Variants in ITGAE observed in about 807,000 individuals in gnomAD.
The protein encoded by ITGAE is integrin subunit alpha E.
A neutral mutation model predicts 136.5 loss-of-function variants in ITGAE; 99 were observed. That is an observed-to-expected ratio of 0.73 (90% CI 0.62 to 0.86). The LOEUF (loss-of-function observed/expected upper bound fraction) is 0.86. ITGAE is among the 40% of genes least tolerant of loss of function. The probability of loss-of-function intolerance (pLI) is 0.00; values close to 1 mark genes in which losing one functional copy is unlikely to be tolerated. For missense variants in ITGAE, 1,447 were observed against 1,515.3 expected (o/e 0.95, Z 0.75); for synonymous variants, 613 against 591.8 (o/e 1.04, Z -0.52).
At chr17:3,744,868 A>G (rs1479483516) in intron 18 of ITGAE, among the ~76,000 whole-genome samples, 3 of 152,172 alleles carry the variant, frequency 2.0e-5, no homozygotes, top group African/African-American at 4.8e-5. Context: ...TTCTGCCCCT[A>G]TAAGAGCCTC....
intron 2 of ITGAE, among the ~76,000 whole-genome samples, chr17:3,771,530 T>C (rs954483167): frequency 5.1e-4 from 74 of 143,698 alleles, no homozygotes; most frequent in African/African-American, 1.9e-3. Flanking sequence ...GTGTGCATTT[T>C]TCTCTTTTTT....
rs544709400 is a variant in ITGAE at position 3,727,930 on chromosome 17, T to C, written c.3073A>G (p.Thr1025Ala). The C allele has an allele frequency of 2.0e-5, 32 of 1,610,948 alleles. No homozygotes were observed. The South Asian group carries it at 3.4e-4, about 17-fold the overall frequency. Residue 1025 changes from threonine (T) to alanine (A), a missense_variant, in exon 26 of 31, where the codon ACG (threonine) becomes GCG (alanine). By Grantham distance (58) the Thr-to-Ala change is moderately conservative. Coordinates refer to ENST00000263087, the MANE Select transcript of ITGAE (RefSeq NM_002208.5). ...GLQVVAVKKLTRTQASTVCTW... is the reference protein window; with the variant it reads ...GLQVVAVKKLARTQASTVCTW... ...CTGCCTTTAAATACCTGAGTCCTCG[T>C]CAGCTTCTTCACTGCTACAACCTGG...
At chr17:3,739,902 A>G (rs757418723) in intron 19 of ITGAE, 24 bp from the exon 20 acceptor site, 20 of 1,601,186 alleles carry the variant, frequency 1.2e-5, no homozygotes, top group Non-Finnish European at 1.7e-5. Context: ...GAGAGTCCCG[A>G]TCAGCCCAGG....
chr17:3,797,155 ATATTTTTT>A (rs1207688857), intron 1 of ITGAE, among the ~76,000 whole-genome samples: 874 of 23,682 alleles, frequency 0.037, 4 homozygotes, highest in African/African-American at 0.13. Context: ...ATATATATAT[ATATTTTTT>A]TTTTTTTTTT....
chr17:3,744,729 G>A lies in ITGAE; in HGVS notation c.2319+1035C>T, dbSNP rs567419504. 5.3e-5 allele frequency among the ~76,000 whole-genome samples: 8 copies of A among 152,270 alleles called. 1 individual carries two copies. In the South Asian group the frequency reaches 6.2e-4, roughly 12 times the overall value. ...CTCCCAAAGTGCTGGGATTAGAGGC[G>A]TGAGCCACTGCGCCCAACCAACCAA... is the stretch of plus-strand genomic sequence containing the variant. On this transcript the variant is annotated intron_variant, in intron 18 of 30. Coordinates refer to ENST00000263087, the MANE Select transcript of ITGAE (RefSeq NM_002208.5).
At chr17:3,715,767 T>C (rs1400339966) in intron 30 of ITGAE, among the ~76,000 whole-genome samples, 2 of 152,016 alleles carry the variant, frequency 1.3e-5, no homozygotes, top group East Asian at 3.9e-4. Flanking sequence ...GAGACTAAGA[T>C]GGGAGGATCA....
intron 1 of ITGAE, among the ~76,000 whole-genome samples, chr17:3,783,523 T>G (rs953059664): frequency 3.9e-5 from 6 of 152,258 alleles, no homozygotes; most frequent in Admixed American, 3.3e-4. Flanking sequence ...GAAACTGTAT[T>G]TTTATATTCA....
At chr17:3,719,841 C>T (rs2051014409) in intron 29 of ITGAE, among the ~76,000 whole-genome samples, 3 of 152,048 alleles carry the variant, frequency 2.0e-5, no homozygotes, top group Admixed American at 2.0e-4. Flanking sequence ...GATTCTCGTG[C>T]CTCAGCCTCC....
chr17:3,738,047 G>C (rs2051499235), intron 20 of ITGAE, among the ~76,000 whole-genome samples: 1 of 152,188 alleles, frequency 6.6e-6, no homozygotes, highest in African/African-American at 2.4e-5. Flanking sequence ...TCTATGAAAG[G>C]GCTGACCAGG....
intron 18 of ITGAE, among the ~76,000 whole-genome samples, chr17:3,744,350 C>T (rs1021686573): frequency 6.6e-6 from 1 of 152,012 alleles, no homozygotes; most frequent in Non-Finnish European, 1.5e-5. Context: ...GTGTCTATAG[C>T]TGCTATGGTT....
chr17:3,788,999 A>C (rs2052872799), intron 1 of ITGAE, among the ~76,000 whole-genome samples: 1 of 152,044 alleles, frequency 6.6e-6, no homozygotes, highest in Non-Finnish European at 1.5e-5. Context: ...TAATCCCAGC[A>C]CTTTGGGAGG....
intron 13 of ITGAE, 61 bp from the exon 14 acceptor site, chr17:3,753,491 T>G: frequency 6.3e-7 from 1 of 1,576,086 alleles, no homozygotes; most frequent in Non-Finnish European, 8.6e-7. Flanking sequence ...TCAGCAAGGC[T>G]ACACCCCTGC....
At chr17:3,797,656 T>G (rs1169548954) in intron 1 of ITGAE, among the ~76,000 whole-genome samples, 1 of 151,946 alleles carries the variant, frequency 6.6e-6, no homozygotes, top group Non-Finnish European at 1.5e-5. Flanking sequence ...AGACGGGGTT[T>G]CACCGTGTTG....
At chr17:3,800,861 A>T (rs1268070769) in intron 1 of ITGAE, among the ~76,000 whole-genome samples, 1 of 152,202 alleles carries the variant, frequency 6.6e-6, no homozygotes, top group Non-Finnish European at 1.5e-5. Context: ...GAGGAACAGA[A>T]TGGCAGAGCC....
chr17:3,759,253 G>T, intron 8 of ITGAE, 149 bp downstream of exon 8: 1 of 838,456 alleles, frequency 1.2e-6, no homozygotes, highest in Non-Finnish European at 1.8e-6. Flanking sequence ...ACAGCCTTGA[G>T]GTGTCATCCC....
intron 18 of ITGAE, 84 bp from the exon 19 acceptor site, chr17:3,743,701 T>A: frequency 7.7e-7 from 1 of 1,305,472 alleles, no homozygotes; most frequent in Non-Finnish European, 1.0e-6. Flanking sequence ...CTTTTTCTTT[T>A]TTTCTTTTTT....
chr17:3,801,007 A>T, intron 1 of ITGAE, 104 bp downstream of exon 1: 1 of 1,332,528 alleles, frequency 7.5e-7, no homozygotes, highest in Non-Finnish European at 1.1e-6. Flanking sequence ...CTCTGGCTCT[A>T]ACTGAGCCCC....
At chr17:3,732,823 C>T (rs957822294) in intron 21 of ITGAE, among the ~76,000 whole-genome samples, 7 of 152,180 alleles carry the variant, frequency 4.6e-5, no homozygotes, top group African/African-American at 1.2e-4. Context: ...AACCCACAGC[C>T]TGGCTGGAAG....
chr17:3,794,876 A>G (rs1193935180), intron 1 of ITGAE, among the ~76,000 whole-genome samples: 1 of 152,162 alleles, frequency 6.6e-6, no homozygotes, highest in Admixed American at 6.5e-5. Flanking sequence ...AAAAGGCACG[A>G]GTGGAGGCCG....
Sources: gnomAD v4.1 joint callset for allele counts (sites outside exome capture counted in the v4.1 genomes callset) on GRCh38, gnomAD v4.1.1 for gene constraint, MANE v1.5 for transcripts, NCBI Gene and HGNC (gene_info 2026-07-23, HGNC 2026-07-21) for gene names.